The following CWF19L2 variants were observed in gnomAD, a reference collection of about 807,000 sequenced individuals.
The protein encoded by CWF19L2 is CWF19 like cell cycle control factor 2, also known as CWF19-like protein 2.
In CWF19L2, 98 loss-of-function variants were observed where a neutral mutation model predicts 111.7. The observed-to-expected ratio is 0.88, with a 90% CI of 0.75 to 1.04. The LOEUF is 1.04. Among genes scored for constraint, CWF19L2 ranks in the 50% least tolerant of loss-of-function variants. CWF19L2 has a pLI of 0.00. For synonymous variants in CWF19L2, 351 were observed against 342.9 expected (o/e 1.02, Z -0.26); for missense variants, 1,101 against 1,051.4 (o/e 1.05, Z -0.65).
intron 7 of CWF19L2, among the ~76,000 whole-genome samples, chr11:107,429,863 A>T (rs551444661): frequency 4.6e-5 from 7 of 151,666 alleles, no homozygotes; most frequent in African/African-American, 1.7e-4. Flanking sequence ...GAAATAAAAA[A>T]TTGTGTGTCC....
chr11:107,402,302 G>A (rs1172112298), intron 10 of CWF19L2, among the ~76,000 whole-genome samples: 2 of 151,732 alleles, frequency 1.3e-5, no homozygotes, highest in Admixed American at 6.6e-5. Flanking sequence ...ACAATCCACA[G>A]AGTGGGAGAA....
At chr11:107,418,350 A>G in intron 8 of CWF19L2, 63 bp from the exon 9 acceptor site, 1 of 1,023,878 alleles carries the variant, frequency 9.8e-7, no homozygotes, top group Non-Finnish European at 1.6e-6. Flanking sequence ...AATAACATCA[A>G]GACTCAAATG....
intron 11 of CWF19L2, 148 bp from the exon 12 acceptor site, chr11:107,390,359 T>A (rs1237859844): frequency 1.5e-6 from 1 of 682,492 alleles, no homozygotes; most frequent in African/African-American, 1.9e-5. Context: ...GTCTGCCAGT[T>A]TCCATGTGAA....
At chr11:107,410,969 A>G (rs904446680) in intron 10 of CWF19L2, among the ~76,000 whole-genome samples, 1 of 152,118 alleles carries the variant, frequency 6.6e-6, no homozygotes, top group Non-Finnish European at 1.5e-5. Flanking sequence ...AAAAAATGAG[A>G]AGAAAATGGT....
At chr11:107,433,880 T>TTATATATATATATATATA (rs61304388) in intron 6 of CWF19L2, 131 bp from the exon 7 acceptor site, 8 of 122,122 alleles carry the variant, frequency 6.6e-5, no homozygotes, top group South Asian at 3.3e-4. Flanking sequence ...CTTTGGAATT[T>TTATATATATATATATATA]TATATATATA....
chr11:107,387,749 C>T (rs534668069), intron 12 of CWF19L2, among the ~76,000 whole-genome samples: 1 of 152,266 alleles, frequency 6.6e-6, no homozygotes, highest in Non-Finnish European at 1.5e-5. Context: ...AGGGTTCATG[C>T]TCCTATGAGA....
At chr11:107,418,383 A>C (rs189099663) in intron 8 of CWF19L2, 96 bp from the exon 9 acceptor site, 2 of 773,696 alleles carry the variant, frequency 2.6e-6, no homozygotes, top group Admixed American at 1.8e-5. Context: ...ACCTCAACAA[A>C]GCATTCAGTA....
At chr11:107,403,127 G>A (rs1209709972) in intron 10 of CWF19L2, among the ~76,000 whole-genome samples, 2 of 150,898 alleles carry the variant, frequency 1.3e-5, no homozygotes, top group African/African-American at 4.9e-5. Context: ...GGGGGTGAGG[G>A]ATAAAAGACT....
intron 3 of CWF19L2, among the ~76,000 whole-genome samples, chr11:107,448,634 C>T (rs899672720): frequency 7.9e-5 from 12 of 152,136 alleles, no homozygotes; most frequent in African/African-American, 2.9e-4. Context: ...TGTTTGTGTC[C>T]CCCACCAAAT....
chr11:107,368,702 G>A (rs1024876938), intron 12 of CWF19L2, among the ~76,000 whole-genome samples: 1 of 137,718 alleles, frequency 7.3e-6, no homozygotes, highest in Non-Finnish European at 1.6e-5. Flanking sequence ...ATAGCTAAGG[G>A]TTTACCATTT....
intron 3 of CWF19L2, among the ~76,000 whole-genome samples, chr11:107,448,128 G>A (rs987809284): frequency 5.9e-5 from 9 of 151,832 alleles, no homozygotes; most frequent in African/African-American, 9.7e-5. Flanking sequence ...GGCAGATCAC[G>A]AGGTCAGGAG....
chr11:107,390,085 T>C lies in CWF19L2; in HGVS notation c.1861A>G (p.Met621Val). Residue 621 changes from methionine (M) to valine (V), a missense_variant, in exon 12 of 18, where the codon ATG (methionine) becomes GTG (valine). Transcript: ENST00000282251. The part of the protein sequence containing the change: ...AENQNKLFMR[M>V]ASKFMGKTDG... The stretch of plus-strand genomic sequence containing the variant: ...GGAATATATCTTACCTTAGATGCCA[T>C]TCTCATAAAGAGCTTGTTTTGATTT... The C allele has an allele frequency of 6.2e-7, 1 of 1,612,568 alleles. No individual in the cohort carries two copies. Among genetic ancestry groups the C allele is most frequent in the Non-Finnish European group, 8.5e-7 (1 of 1,179,356 alleles).
intron 8 of CWF19L2, among the ~76,000 whole-genome samples, 198 bp downstream of exon 8, chr11:107,428,601 T>TAA (rs35070417): frequency 3.2e-4 from 46 of 145,024 alleles, no homozygotes; most frequent in Middle Eastern, 3.5e-3. Flanking sequence ...TTTCAGCTCT[T>TAA]AAAAAAAAAA....
intron 12 of CWF19L2, 22 bp from the exon 13 acceptor site, chr11:107,353,758 A>C: frequency 1.9e-6 from 3 of 1,587,604 alleles, no homozygotes; most frequent in Non-Finnish European, 1.7e-6. Flanking sequence ...AAATAACAGT[A>C]ATAGAGAGTA....
In CWF19L2 at chr11:107,403,069, A is replaced by C. The variant is rs563506403; in HGVS notation, c.1618-10174T>G. Among the ~76,000 whole-genome samples the C allele has an allele frequency of 2.6e-5, 4 of 151,624 alleles. No homozygotes were observed. The East Asian group carries it at 7.8e-4, about 30-fold the overall frequency. On this transcript the variant is annotated intron_variant, in intron 10 of 17. Coordinates refer to ENST00000282251, the MANE Select transcript of CWF19L2 (RefSeq NM_152434.3). Reference sequence around the variant, plus strand: ...CTAAGCTGTGAGAGGATGCAAAGGGATAAGAATGATACAATGCACTTTGGG... The same window carrying C: ...CTAAGCTGTGAGAGGATGCAAAGGGCTAAGAATGATACAATGCACTTTGGG...
chr11:107,369,336 G>C (rs1392695147), intron 12 of CWF19L2, among the ~76,000 whole-genome samples: 1 of 137,512 alleles, frequency 7.3e-6, no homozygotes, highest in Non-Finnish European at 1.6e-5. Flanking sequence ...TAATATAAAA[G>C]TAGAGCTTCA....
At chr11:107,350,079 T>A (rs1860135441) in intron 13 of CWF19L2, among the ~76,000 whole-genome samples, 1 of 152,180 alleles carries the variant, frequency 6.6e-6, no homozygotes, top group South Asian at 2.1e-4. Flanking sequence ...AAAAGCAGTT[T>A]TTCCAAATAG....
chr11:107,420,430 A>G (rs1372053442), intron 8 of CWF19L2, among the ~76,000 whole-genome samples: 1 of 152,144 alleles, frequency 6.6e-6, no homozygotes, highest in Non-Finnish European at 1.5e-5. Context: ...AAAGAACGTC[A>G]TTTCATATGA....
chr11:107,433,647 G>A lies in CWF19L2; in HGVS notation c.767C>T (p.Ala256Val). 1 of 1,552,018 alleles carries A rather than the reference G, an allele frequency of 6.4e-7. No homozygotes were observed. ...KQSRNFEDIV[A>V]ERYGSMEIFQ... The stretch of plus-strand genomic sequence containing the variant: ...ACAGATACTCACCCCATATCTTTCG[G>A]CTACAATGTCCTCAAAGTTTCTACT... Residue 256 changes from alanine to valine, a missense_variant, in exon 7 of 18, where the codon GCC becomes GTC. Coordinates refer to ENST00000282251, the MANE Select transcript of CWF19L2 (RefSeq NM_152434.3).
Sources: allele counts gnomAD v4.1 joint callset (sites outside exome capture counted in the v4.1 genomes callset), GRCh38; gene constraint gnomAD v4.1.1; transcripts MANE v1.5; gene names NCBI Gene and HGNC (gene_info 2026-07-23, HGNC 2026-07-21).